KCNIP4: variants seen among roughly 807,000 people sequenced by gnomAD.
The protein encoded by KCNIP4 is potassium voltage-gated channel interacting protein 4.
KCNIP4 carries 12 observed loss-of-function variants against 34.0 expected under a neutral mutation model. The observed-to-expected ratio is 0.35, with a 90% CI of 0.23 to 0.57. The LOEUF is 0.57. KCNIP4 is among the 20% of genes least tolerant of loss of function. The pLI is 0.83. For missense variants in KCNIP4, 238 were observed against 311.7 expected (o/e 0.76, Z 1.78); for synonymous variants, 124 against 102.2 (o/e 1.21, Z -1.29).
chr4:21,739,835 G>A (rs1577924729), intron 1 of KCNIP4, among the ~76,000 whole-genome samples: 1 of 152,014 alleles, frequency 6.6e-6, no homozygotes, highest in Non-Finnish European at 1.5e-5. Flanking sequence ...TTATGCAAAA[G>A]AAGAAAACAA....
intron 1 of KCNIP4, among the ~76,000 whole-genome samples, chr4:21,187,799 C>G (rs1017832315): frequency 6.6e-6 from 1 of 152,098 alleles, no homozygotes; most frequent in Non-Finnish European, 1.5e-5. Context: ...TGCTCTAATT[C>G]ACCTGAGACA....
intron 1 of KCNIP4, among the ~76,000 whole-genome samples, chr4:21,291,771 G>A (rs1763478922): frequency 1.3e-5 from 2 of 150,702 alleles, no homozygotes; most frequent in East Asian, 2.0e-4. Context: ...GGAGAATGGC[G>A]TGAAGCCGGG....
At chr4:21,099,501 A>G (rs1044759868) in intron 1 of KCNIP4, among the ~76,000 whole-genome samples, 19 of 152,074 alleles carry the variant, frequency 1.2e-4, no homozygotes, top group African/African-American at 4.6e-4. Flanking sequence ...AAAATAGCTA[A>G]TGGATGCTGA....
intron 1 of KCNIP4, among the ~76,000 whole-genome samples, chr4:21,521,650 G>A (rs1053886481): frequency 6.6e-6 from 1 of 152,060 alleles, no homozygotes; most frequent in Non-Finnish European, 1.5e-5. Context: ...GTCTCAGAGT[G>A]GCTGCCTCAA....
intron 1 of KCNIP4, among the ~76,000 whole-genome samples, chr4:21,557,100 G>A (rs527593242): frequency 2.0e-5 from 3 of 152,066 alleles, no homozygotes; most frequent in South Asian, 2.1e-4. Flanking sequence ...CCAGTAGTGG[G>A]TACCATGTGG....
At chr4:20,763,098 C>T (rs1755080600) in intron 3 of KCNIP4, among the ~76,000 whole-genome samples, 1 of 152,078 alleles carries the variant, frequency 6.6e-6, no homozygotes, top group African/African-American at 2.4e-5. Flanking sequence ...CCCTTGACAC[C>T]TGGGGATTAT....
At chr4:21,832,616 T>A (rs1326085633) in intron 1 of KCNIP4, among the ~76,000 whole-genome samples, 1 of 151,434 alleles carries the variant, frequency 6.6e-6, no homozygotes, top group Non-Finnish European at 1.5e-5. Flanking sequence ...TACTTTTAAG[T>A]TTTAGGGTAC....
At chr4:21,839,973 A>T (rs1413140777) in intron 1 of KCNIP4, among the ~76,000 whole-genome samples, 1 of 152,014 alleles carries the variant, frequency 6.6e-6, no homozygotes, top group Non-Finnish European at 1.5e-5. Context: ...ACTCTCATGA[A>T]TTCCAGGATA....
At chr4:20,928,719 C>T (rs1164707136) in intron 1 of KCNIP4, among the ~76,000 whole-genome samples, 1 of 151,598 alleles carries the variant, frequency 6.6e-6, no homozygotes, top group East Asian at 1.9e-4. Flanking sequence ...CTCCTAACTA[C>T]CTAAGGAAAA....
At chr4:21,158,559 T>C (rs75875869) in intron 1 of KCNIP4, among the ~76,000 whole-genome samples, 3 of 152,270 alleles carry the variant, frequency 2.0e-5, no homozygotes, top group Admixed American at 6.5e-5. Context: ...TTTCAATAGA[T>C]ACTGAAAAAG....
At chr4:21,278,047 G>A (rs913285758) in intron 1 of KCNIP4, among the ~76,000 whole-genome samples, 1 of 152,160 alleles carries the variant, frequency 6.6e-6, no homozygotes, top group Non-Finnish European at 1.5e-5. Flanking sequence ...TATAGGTCAT[G>A]TGTGATGAGA....
At chr4:20,923,114 G>A (rs1729569103) in intron 1 of KCNIP4, among the ~76,000 whole-genome samples, 1 of 152,070 alleles carries the variant, frequency 6.6e-6, no homozygotes, top group Admixed American at 6.6e-5. Flanking sequence ...GTTCTTTAAG[G>A]TCATCATATT....
intron 3 of KCNIP4, among the ~76,000 whole-genome samples, chr4:20,830,106 C>A (rs1385703217): frequency 1.3e-5 from 2 of 152,160 alleles, no homozygotes; most frequent in Non-Finnish European, 2.9e-5. Context: ...TCAGAGTCAT[C>A]TCTGAATAGG....
At chr4:21,302,883 T>C (rs1391955923) in intron 1 of KCNIP4, among the ~76,000 whole-genome samples, 2 of 152,222 alleles carry the variant, frequency 1.3e-5, no homozygotes, top group African/African-American at 4.8e-5. Context: ...ACATTTATAA[T>C]GTATTTTCCT....
intron 1 of KCNIP4, among the ~76,000 whole-genome samples, chr4:21,139,634 C>T (rs1269484100): frequency 6.6e-6 from 1 of 152,148 alleles, no homozygotes; most frequent in Non-Finnish European, 1.5e-5. Flanking sequence ...TCAGGACAAC[C>T]CTAAAGGAAC....
intron 1 of KCNIP4, among the ~76,000 whole-genome samples, chr4:21,540,685 G>A (rs981081100): frequency 1.3e-5 from 2 of 152,174 alleles, no homozygotes; most frequent in African/African-American, 4.8e-5. Context: ...GTTTAATCTT[G>A]TTTGATCCAT....
intron 1 of KCNIP4, among the ~76,000 whole-genome samples, chr4:21,038,123 A>G (rs530988937): frequency 1.3e-5 from 2 of 152,196 alleles, no homozygotes; most frequent in Non-Finnish European, 2.9e-5. Context: ...GATTACAGGC[A>G]TGTGCCACCA....
chr4:20,924,856 A>G (rs1729742683), intron 1 of KCNIP4, among the ~76,000 whole-genome samples: 1 of 152,206 alleles, frequency 6.6e-6, no homozygotes, highest in African/African-American at 2.4e-5. Flanking sequence ...CTCATAGTTC[A>G]GTGTAAGAGA....
intron 1 of KCNIP4, among the ~76,000 whole-genome samples, chr4:21,293,041 G>T (rs1178503577): frequency 6.6e-6 from 1 of 152,120 alleles, no homozygotes; most frequent in African/African-American, 2.4e-5. Flanking sequence ...CAGTTTTAGG[G>T]TGATACTCGA....
Sources: gnomAD v4.1 joint callset for allele counts (sites outside exome capture counted in the v4.1 genomes callset) on GRCh38, gnomAD v4.1.1 for gene constraint, MANE v1.5 for transcripts, NCBI Gene and HGNC (gene_info 2026-07-23, HGNC 2026-07-21) for gene names.